YEATS2: variants seen among roughly 807,000 people sequenced by gnomAD.
The protein encoded by YEATS2 is YEATS domain-containing protein 2.
In YEATS2, 77 loss-of-function variants were observed where a neutral mutation model predicts 163.2. The observed-to-expected ratio is 0.47, with a 90% CI of 0.39 to 0.57. YEATS2 has a LOEUF of 0.57. Among genes scored for constraint, YEATS2 ranks in the 20% least tolerant of loss-of-function variants. The probability of loss-of-function intolerance (pLI) is 0.00; values close to 1 mark genes in which losing one functional copy is unlikely to be tolerated. For missense variants in YEATS2, 1,549 were observed against 1,729.8 expected, an observed-to-expected ratio of 0.90 and a Z score of 1.85; for synonymous variants, 631 against 645.1, an observed-to-expected ratio of 0.98 and a Z score of 0.33.
intron 30 of YEATS2, chr3:183,810,175 C>T (rs981232218): frequency 6.2e-5 from 16 of 257,628 alleles, no homozygotes; most frequent in Non-Finnish European, 1.2e-4. Context: ...AGCTTTCGGT[C>T]TGCTGAGACT....
chr3:183,803,898 T>G, intron 26 of YEATS2, 89 bp from the exon 27 acceptor site: 4 of 1,390,840 alleles, frequency 2.9e-6, no homozygotes, highest in Non-Finnish European at 4.0e-6. Context: ...ACAGGTTAGG[T>G]TAGGATGGTG....
chr3:183,773,674 T>C lies in YEATS2; in HGVS notation c.2248T>C (p.Leu750=), dbSNP rs1722695223. ...LQLPATNLAN[L]ANLPPGTKLY... is the part of the protein sequence containing the mutation. ...GCTACCAGCCACTAATTTGGCCAAC[T>C]TGGCAAATTTGCCTCCTGGCACTAA... Residue 750 remains leucine (L), a synonymous_variant, in exon 17 of 31, where the codon TTG becomes CTG. Transcript: ENST00000305135. 6 of 1,611,654 alleles carry C rather than the reference T, an allele frequency of 3.7e-6. No individual in the cohort carries two copies. Among genetic ancestry groups the C allele is most frequent in the African/African-American group, 1.3e-5 (1 of 74,798 alleles).
chr3:183,810,609 A>T lies in YEATS2; in HGVS notation c.*26A>T. The T allele has an allele frequency of 6.3e-7, 1 of 1,599,188 alleles. No individual in the cohort carries two copies. Among genetic ancestry groups the T allele is most frequent in the South Asian group, 1.1e-5 (1 of 90,428 alleles). ...GCGGAGTGAGGTGCCCTGGAGAAGC[A>T]GGCTTTGAAGGCACAGCGAAGCTGT... is the stretch of plus-strand genomic sequence containing the variant. On this transcript the variant is annotated 3_prime_UTR_variant, in exon 31 of 31. Coordinates refer to ENST00000305135, the MANE Select transcript of YEATS2 (RefSeq NM_018023.5).
chr3:183,774,213 A>G (rs773777248), intron 17 of YEATS2, among the ~76,000 whole-genome samples: 1 of 152,084 alleles, frequency 6.6e-6, no homozygotes, highest in Non-Finnish European at 1.5e-5. Flanking sequence ...GGGGTCCCCA[A>G]CCCCTGGGCC....
chr3:183,722,980 C>G (rs1273075914), intron 5 of YEATS2, among the ~76,000 whole-genome samples: 1 of 152,212 alleles, frequency 6.6e-6, no homozygotes, highest in Non-Finnish European at 1.5e-5. Context: ...ATTTTACAGC[C>G]TGGAGATTCT....
intron 8 of YEATS2, among the ~76,000 whole-genome samples, chr3:183,743,777 T>TA: frequency 6.6e-6 from 1 of 152,202 alleles, no homozygotes. Context: ...AAAGCACCCT[T>TA]ACTTTGTGGT....
chr3:183,702,327 C>T (rs1262324729), intron 1 of YEATS2, among the ~76,000 whole-genome samples: 1 of 151,958 alleles, frequency 6.6e-6, no homozygotes. Flanking sequence ...TGCCTGTAAC[C>T]CCAGCTACTT....
rs1720490417 is a variant in YEATS2 at position 183,754,283 on chromosome 3, T to G, written c.1308T>G (p.Ile436Met). The change falls in exon 11 of 31, where the codon ATT (isoleucine) becomes ATG (methionine). Residue 436 changes from isoleucine (I) to methionine (M), a missense_variant. Ile to Met is a conservative substitution (Grantham distance 10, BLOSUM62 1). Coordinates refer to ENST00000305135, the MANE Select transcript of YEATS2 (RefSeq NM_018023.5). The part of the protein sequence containing the change: ...AFQPIASSCK[I>M]VPQSQVPNPE... ...AGCCAATAGCATCAAGCTGCAAAAT[T>G]GTTCCACAAAGTCAGGTTCCTAATC... 3.1e-6 allele frequency: 5 copies of G among 1,614,178 alleles called. No homozygotes were observed. The East Asian group carries it at 1.1e-4, about 36-fold the overall frequency.
intron 21 of YEATS2, among the ~76,000 whole-genome samples, chr3:183,795,005 TAAAAAAA>T (rs10636195): frequency 1.4e-5 from 2 of 144,196 alleles, no homozygotes; most frequent in African/African-American, 5.1e-5. Flanking sequence ...CCCCATTTCT[TAAAAAAA>T]AAAAAAATTA....
At chr3:183,755,396 C>T (rs983030467) in intron 11 of YEATS2, among the ~76,000 whole-genome samples, 5 of 152,080 alleles carry the variant, frequency 3.3e-5, no homozygotes, top group Non-Finnish European at 7.4e-5. Flanking sequence ...CGGTTACAGG[C>T]GTGAGCCACC....
intron 1 of YEATS2, among the ~76,000 whole-genome samples, chr3:183,714,139 G>A (rs1405801415): frequency 6.6e-6 from 1 of 151,314 alleles, no homozygotes; most frequent in African/African-American, 2.4e-5. Context: ...AATTTAAACA[G>A]CCACATAAGG....
intron 9 of YEATS2, among the ~76,000 whole-genome samples, chr3:183,749,563 C>T (rs570899427): frequency 1.3e-5 from 2 of 152,240 alleles, no homozygotes; most frequent in African/African-American, 2.4e-5. Context: ...TGCCTTATTT[C>T]GCTTTGCATA....
intron 6 of YEATS2, among the ~76,000 whole-genome samples, chr3:183,725,041 CTTTT>C (rs62826962): frequency 5.7e-5 from 5 of 87,528 alleles, no homozygotes; most frequent in South Asian, 4.9e-4. Context: ...CCGTGCCGGC[CTTTT>C]TTTTTTTTTT....
At chr3:183,767,555 G>A (rs1008097948) in intron 15 of YEATS2, among the ~76,000 whole-genome samples, 3 of 152,096 alleles carry the variant, frequency 2.0e-5, no homozygotes, top group Admixed American at 1.3e-4. Context: ...TAATTTTTTT[G>A]TATTTTTAGT....
chr3:183,769,118 T>C (rs1722203395), intron 15 of YEATS2, among the ~76,000 whole-genome samples: 1 of 152,216 alleles, frequency 6.6e-6, no homozygotes, highest in African/African-American at 2.4e-5. Flanking sequence ...CTTCTTTTCT[T>C]CTCTCCTTAA....
At chr3:183,708,693 C>T (rs1455457269) in intron 1 of YEATS2, among the ~76,000 whole-genome samples, 1 of 151,838 alleles carries the variant, frequency 6.6e-6, no homozygotes, top group Non-Finnish European at 1.5e-5. Flanking sequence ...TAGTGAGACC[C>T]CCGTCTCTTT....
Position 183,718,674 on chromosome 3 carries a change from G to T in YEATS2, c.291+82G>T, listed in dbSNP as rs1345870247. 3.7e-6 allele frequency: 4 copies of T among 1,070,674 alleles called. No homozygotes were observed. In the Admixed American group the frequency reaches 8.5e-5, roughly 23 times the overall value. The allele number at this position is 1,070,674 out of a possible 1,614,324, so 66.3% of individuals were successfully genotyped here. On this transcript the variant is annotated intron_variant, in intron 4 of 30. Coordinates refer to ENST00000305135, the MANE Select transcript of YEATS2 (RefSeq NM_018023.5). ...GAAGTTATGTCAATATGGAATCCCT[G>T]CATCTGAAACATTTCTTTCTGTTTG...
chr3:183,755,026 GA>G lies in YEATS2; in HGVS notation c.1390+668del, dbSNP rs538845368. 3.4e-4 allele frequency among the ~76,000 whole-genome samples: 52 copies of G among 151,776 alleles called. 1 individual carries two copies. In the East Asian group the frequency reaches 8.7e-3, roughly 25 times the overall value. ...CTGTATAATAGTTAAATGAAGGGGG[GA>G]AAAAAAGAATGTTTGGTGTTGTAAG... On this transcript the variant is annotated intron_variant, in intron 11 of 30. Coordinates refer to ENST00000305135, the MANE Select transcript of YEATS2 (RefSeq NM_018023.5).
In YEATS2 at chr3:183,797,947, A is replaced by G; in HGVS notation, c.3122A>G (p.Gln1041Arg). 2 of 1,614,186 alleles carry G rather than the reference A, an allele frequency of 1.2e-6. No individual in the cohort carries two copies. The highest frequency in any genetic ancestry group is 1.7e-6 in the Non-Finnish European group (2 of 1,180,004). The change falls in exon 22 of 31, where the codon CAG becomes CGG. Residue 1041 changes from glutamine (Q) to arginine (R), a missense_variant. Coordinates refer to ENST00000305135, the MANE Select transcript of YEATS2 (RefSeq NM_018023.5). Reference sequence around the variant, plus strand: ...GGACTGTTAAAGATTCACTCCAGTCAGTCCAGTCCGCAGCAGGCCGTCCTG... The same window carrying G: ...GGACTGTTAAAGATTCACTCCAGTCGGTCCAGTCCGCAGCAGGCCGTCCTG... ...VSGLLKIHSS[Q>R]SSPQQAVLTI... is the part of the protein sequence containing the mutation.
Sources: gnomAD v4.1 joint callset for allele counts (sites outside exome capture counted in the v4.1 genomes callset) on GRCh38, gnomAD v4.1.1 for gene constraint, MANE v1.5 for transcripts, NCBI Gene and HGNC (gene_info 2026-07-23, HGNC 2026-07-21) for gene names.